Variants in SLC1A6 observed in about 807,000 individuals in gnomAD.
The protein encoded by SLC1A6 is excitatory amino acid transporter 4.
Under a neutral mutation model 42.1 loss-of-function variants are expected in SLC1A6, and 15 were observed. That is an observed-to-expected ratio of 0.36 (90% confidence interval 0.24 to 0.55). SLC1A6 has a LOEUF of 0.55. Among genes scored for constraint, SLC1A6 ranks in the 20% least tolerant of loss-of-function variants. The pLI is 0.88. For synonymous variants in SLC1A6, 317 were observed against 319.7 expected (o/e 0.99, Z 0.09); for missense variants, 542 against 772.5 (o/e 0.70, Z 3.54).
intron 1 of SLC1A6, among the ~76,000 whole-genome samples, chr19:14,994,262 G>A (rs1448232811): frequency 5.3e-5 from 8 of 152,040 alleles, no homozygotes; most frequent in Non-Finnish European, 1.0e-4. Context: ...ATGAAAGAGG[G>A]TGAGGCCAGA....
chr19:15,006,628 A>G (rs971321801), intron 1 of SLC1A6, among the ~76,000 whole-genome samples: 2 of 151,706 alleles, frequency 1.3e-5, no homozygotes, highest in East Asian at 1.9e-4. Flanking sequence ...CATTCACTCA[A>G]TACGAAAATA....
At chr19:14,962,730 C>T (rs532939865) in intron 5 of SLC1A6, among the ~76,000 whole-genome samples, 1 of 152,252 alleles carries the variant, frequency 6.6e-6, no homozygotes, top group African/African-American at 2.4e-5. Flanking sequence ...TGGTGAAACC[C>T]TGTCTCTACT....
intron 6 of SLC1A6, among the ~76,000 whole-genome samples, chr19:14,958,853 T>C (rs1877086763): frequency 6.6e-6 from 1 of 152,228 alleles, no homozygotes; most frequent in Admixed American, 6.5e-5. Context: ...GTTAACTCTC[T>C]GCTTATCCTT....
intron 1 of SLC1A6, among the ~76,000 whole-genome samples, chr19:15,009,601 C>T (rs1057436191): frequency 2.6e-5 from 4 of 151,866 alleles, no homozygotes; most frequent in South Asian, 2.1e-4. Flanking sequence ...ATTGGAGGCT[C>T]CCGTAGGTAG....
At chr19:14,985,194 T>C (rs1482353817) in intron 1 of SLC1A6, among the ~76,000 whole-genome samples, 1 of 152,234 alleles carries the variant, frequency 6.6e-6, no homozygotes, top group Non-Finnish European at 1.5e-5. Context: ...TTGACAATAA[T>C]GACTGTGAAT....
At chr19:14,974,318 C>CA (rs2045679667) in intron 1 of SLC1A6, 1 of 152,036 alleles carries the variant, frequency 6.6e-6, no homozygotes, top group South Asian at 2.1e-4. Flanking sequence ...GATCGCACCA[C>CA]AGCACTCCAG....
At chr19:15,000,250 G>A (rs1181889054) in intron 1 of SLC1A6, among the ~76,000 whole-genome samples, 2 of 152,102 alleles carry the variant, frequency 1.3e-5, no homozygotes, top group Admixed American at 6.6e-5. Context: ...ATCATAAGTT[G>A]AGGAAAATCT....
At chr19:14,955,432 A>T (rs1177431318) in intron 7 of SLC1A6, among the ~76,000 whole-genome samples, 5 of 150,182 alleles carry the variant, frequency 3.3e-5, no homozygotes, top group Non-Finnish European at 7.4e-5. Flanking sequence ...AACAACAACA[A>T]CAACAAAAAA....
chr19:14,986,859 A>T (rs1310268627), intron 1 of SLC1A6, among the ~76,000 whole-genome samples: 2 of 152,102 alleles, frequency 1.3e-5, no homozygotes, highest in African/African-American at 2.4e-5. Context: ...GGCATGAGTC[A>T]CTGTACCTGG....
intron 1 of SLC1A6, among the ~76,000 whole-genome samples, chr19:15,007,235 C>T (rs1046528434): frequency 1.3e-5 from 2 of 152,174 alleles, no homozygotes; most frequent in Non-Finnish European, 2.9e-5. Flanking sequence ...ATCCGTGCTA[C>T]AACATGGACA....
At chr19:15,008,528 G>T (rs187139543) in intron 1 of SLC1A6, among the ~76,000 whole-genome samples, 23 of 152,174 alleles carry the variant, frequency 1.5e-4, no homozygotes, top group African/African-American at 5.1e-4. Context: ...AAATAGAACT[G>T]CCCTTTGATC....
At chr19:14,965,849 C>CAA (rs36065519) in intron 4 of SLC1A6, among the ~76,000 whole-genome samples, 34 of 129,016 alleles carry the variant, frequency 2.6e-4, no homozygotes, top group African/African-American at 9.1e-4. Context: ...GACTCTGTTT[C>CAA]AAAAAAAAAA....
At chr19:14,999,674 T>C (rs937092799) in intron 1 of SLC1A6, among the ~76,000 whole-genome samples, 2 of 152,216 alleles carry the variant, frequency 1.3e-5, no homozygotes, top group Non-Finnish European at 2.9e-5. Flanking sequence ...AATTTTCAAG[T>C]ACACACAGTC....
intron 1 of SLC1A6, among the ~76,000 whole-genome samples, chr19:14,991,108 T>A (rs896821750): frequency 1.3e-5 from 2 of 152,156 alleles, no homozygotes; most frequent in African/African-American, 2.4e-5. Flanking sequence ...AGAAGCCGGA[T>A]ACAAAAGGCC....
At chr19:14,966,557 A>G (rs891054851) in intron 4 of SLC1A6, among the ~76,000 whole-genome samples, 3 of 152,238 alleles carry the variant, frequency 2.0e-5, no homozygotes, top group African/African-American at 7.2e-5. Flanking sequence ...TAAAAAATCA[A>G]AAATTTAGTT....
intron 4 of SLC1A6, among the ~76,000 whole-genome samples, 194 bp from the exon 5 acceptor site, chr19:14,964,555 G>A (rs956516588): frequency 6.6e-6 from 1 of 152,086 alleles, no homozygotes; most frequent in Non-Finnish European, 1.5e-5. Context: ...GAGTCCTATT[G>A]AATGCCGCCT....
rs2045750303 is a variant in SLC1A6 at position 14,979,524 on chromosome 19, G to C, written c.-223C>G. 6.6e-6 allele frequency: 1 copy of C among 151,240 alleles called. No individual in the cohort carries two copies. Among genetic ancestry groups the C allele is most frequent in the Admixed American group, 6.6e-5 (1 of 15,174 alleles). 9.4% of individuals were successfully genotyped at this position (151,240 alleles called of 1,614,324 possible). ...GAGTCCCCACTCACCGGCGTCCGGA[G>C]CGGCGGGGGCGGCCTGCCCGCGCCT... is the stretch of plus-strand genomic sequence containing the variant. On this transcript the variant is annotated 5_prime_UTR_variant, in exon 1 of 10. Transcript: ENST00000594383. This position sits in a 1 kb window ranked among gnomAD's most constrained non-coding sequence, Gnocchi z 4.2.
In SLC1A6 at chr19:14,970,628, A is replaced by G. The variant is rs374487345; in HGVS notation, c.343+1109T>C. ...CAGGAGGCTGAGGCAGGAGAATGGCATGAACCCAGGAGGCGGTGCTTGCAG... is the reference window on the plus strand; with the variant it reads ...CAGGAGGCTGAGGCAGGAGAATGGCGTGAACCCAGGAGGCGGTGCTTGCAG... On this transcript the variant is annotated intron_variant, in intron 3 of 9. Transcript: ENST00000594383. Among the ~76,000 whole-genome samples the G allele has an allele frequency of 5.3e-5, 8 of 151,602 alleles. No individual in the cohort carries two copies. The East Asian group carries it at 1.4e-3, about 26-fold the overall frequency.
At position 14,962,162 on chromosome 19, in the gene SLC1A6, C is replaced by A; in HGVS notation, c.775G>T (p.Val259Leu). 1 of 1,614,204 alleles carries A rather than the reference C, an allele frequency of 6.2e-7. No homozygotes were observed. The highest frequency in any genetic ancestry group is 8.5e-7 in the Non-Finnish European group (1 of 1,180,022). ...TTGATGCCATTGGCGGAGCCAGGCACGGGTACAGTCTCCTCAAAGCTCAGC... is the reference window on the plus strand; with the variant it reads ...TTGATGCCATTGGCGGAGCCAGGCAAGGGTACAGTCTCCTCAAAGCTCAGC... ...EMLSFEETVP[V>L]PGSANGINAL... The change falls in exon 6 of 10, where the codon GTG becomes TTG. Residue 259 changes from valine to leucine, a missense_variant. Physicochemically the swap from Val to Leu is conservative, Grantham distance 32. This residue lies in a region of SLC1A6 where 298 missense variants were observed against 419.4 expected (regional missense o/e 0.71). Coordinates refer to ENST00000594383, the MANE Select transcript of SLC1A6 (RefSeq NM_005071.3).
Sources: allele counts gnomAD v4.1 joint callset (sites outside exome capture counted in the v4.1 genomes callset), GRCh38; gene constraint gnomAD v4.1.1; regional missense constraint gnomAD v4.1.1; non-coding constraint Gnocchi (gnomAD v3.1); transcripts MANE v1.5; gene names NCBI Gene and HGNC (gene_info 2026-07-23, HGNC 2026-07-21).